Variants in ST6GALNAC3 observed in about 807,000 individuals in gnomAD.
ST6GALNAC3 encodes the protein ST6 N-acetylgalactosaminide alpha-2,6-sialyltransferase 3, also known as alpha-N-acetylgalactosaminide alpha-2,6-sialyltransferase 3.
ST6GALNAC3 carries 25 observed loss-of-function variants against 32.7 expected under a neutral mutation model. That is an observed-to-expected ratio of 0.76 (90% CI 0.56 to 1.07). The LOEUF (loss-of-function observed/expected upper bound fraction) is 1.07, where lower values mean the gene tolerates loss of function less well. Among genes scored for constraint, ST6GALNAC3 ranks in the 50% least tolerant of loss-of-function variants. The probability of loss-of-function intolerance (pLI) is 0.00; values close to 1 mark genes in which losing one functional copy is unlikely to be tolerated. For synonymous variants in ST6GALNAC3, 129 were observed against 133.1 expected (o/e 0.97, Z 0.21); for missense variants, 355 against 382.4 (o/e 0.93, Z 0.60).
chr1:76,494,649 G>GCGCGCA (rs142496688), intron 3 of ST6GALNAC3, among the ~76,000 whole-genome samples: 2 of 67,722 alleles, frequency 3.0e-5, no homozygotes, highest in African/African-American at 6.5e-5. Context: ...ATGTGTATGC[G>GCGCGCA]CACACACACA....
intron 2 of ST6GALNAC3, among the ~76,000 whole-genome samples, chr1:76,374,722 A>G (rs1374990524): frequency 6.6e-6 from 1 of 152,124 alleles, no homozygotes; most frequent in East Asian, 1.9e-4. Flanking sequence ...ATCATCTTAC[A>G]TGTTATTTAC....
chr1:76,525,670 TCTC>T (rs1290775642), intron 3 of ST6GALNAC3, among the ~76,000 whole-genome samples: 8 of 151,186 alleles, frequency 5.3e-5, no homozygotes, highest in Non-Finnish European at 1.2e-4. Flanking sequence ...ATTCTGGTCT[TCTC>T]CTTTGACATT....
chr1:76,080,616 A>G (rs1282615543), intron 1 of ST6GALNAC3, among the ~76,000 whole-genome samples: 1 of 149,842 alleles, frequency 6.7e-6, no homozygotes, highest in Non-Finnish European at 1.5e-5. Context: ...CCCCAGATTA[A>G]CAGAAACAGA....
intron 1 of ST6GALNAC3, among the ~76,000 whole-genome samples, chr1:76,178,025 G>T (rs1652953808): frequency 6.6e-6 from 1 of 152,242 alleles, no homozygotes; most frequent in South Asian, 2.1e-4. Context: ...GGCAGTTTGA[G>T]TAGAGAATGG....
At chr1:76,212,075 A>T (rs1655199428) in intron 1 of ST6GALNAC3, among the ~76,000 whole-genome samples, 1 of 152,196 alleles carries the variant, frequency 6.6e-6, no homozygotes, top group Non-Finnish European at 1.5e-5. Context: ...ATTTAAGCAT[A>T]TCCAGTAGAT....
intron 2 of ST6GALNAC3, among the ~76,000 whole-genome samples, chr1:76,374,537 C>T (rs982446220): frequency 6.6e-6 from 1 of 152,208 alleles, no homozygotes; most frequent in African/African-American, 2.4e-5. Context: ...AGACATCTGA[C>T]ATGTCTAATG....
chr1:76,580,932 G>A (rs1302203675), intron 3 of ST6GALNAC3, among the ~76,000 whole-genome samples: 3 of 151,896 alleles, frequency 2.0e-5, no homozygotes, highest in Non-Finnish European at 4.4e-5. Flanking sequence ...AAGCACCAAA[G>A]CAAGACACAT....
At position 76,125,190 on chromosome 1, in the gene ST6GALNAC3, A is replaced by G. The variant is rs187019969; in HGVS notation, c.18+50306A>G. 3.3e-5 allele frequency among the ~76,000 whole-genome samples: 5 copies of G among 152,310 alleles called. No homozygotes were observed. The East Asian group carries it at 9.7e-4, about 29-fold the overall frequency. ...CCCATTTGACCAGGAGCAGCCAACA[A>G]GGTTTCCATCTGCTGGAATCCATAT... is the stretch of plus-strand genomic sequence containing the variant. On this transcript the variant is annotated intron_variant, in intron 1 of 4. Transcript: ENST00000328299.
At chr1:76,517,866 A>C (rs1662268615) in intron 3 of ST6GALNAC3, among the ~76,000 whole-genome samples, 1 of 151,994 alleles carries the variant, frequency 6.6e-6, no homozygotes, top group African/African-American at 2.4e-5. Flanking sequence ...TTTTGCAGGA[A>C]GGAGGTGTTC....
At chr1:76,525,395 G>C (rs1275101604) in intron 3 of ST6GALNAC3, among the ~76,000 whole-genome samples, 1 of 152,052 alleles carries the variant, frequency 6.6e-6, no homozygotes, top group South Asian at 2.1e-4. Flanking sequence ...TATACAGTAG[G>C]AAGAAACATA....
intron 3 of ST6GALNAC3, among the ~76,000 whole-genome samples, chr1:76,567,970 G>A (rs1435431941): frequency 6.6e-6 from 1 of 152,184 alleles, no homozygotes; most frequent in Non-Finnish European, 1.5e-5. Flanking sequence ...TTAAAAATAA[G>A]ATTATTGCTA....
intron 3 of ST6GALNAC3, among the ~76,000 whole-genome samples, chr1:76,561,036 G>C (rs1665213914): frequency 6.6e-6 from 1 of 152,174 alleles, no homozygotes. Flanking sequence ...ATGAGATCCT[G>C]TCATTTGCAG....
At chr1:76,338,589 T>G (rs1357053747) in intron 2 of ST6GALNAC3, among the ~76,000 whole-genome samples, 2 of 152,160 alleles carry the variant, frequency 1.3e-5, no homozygotes, top group Non-Finnish European at 2.9e-5. Flanking sequence ...TATTTATAGA[T>G]GTCTGGAGAC....
At chr1:76,372,770 A>C (rs1405846927) in intron 2 of ST6GALNAC3, among the ~76,000 whole-genome samples, 2 of 152,060 alleles carry the variant, frequency 1.3e-5, no homozygotes, top group Admixed American at 6.6e-5. Context: ...CCATTGAATA[A>C]ATTCTGAAAT....
chr1:76,583,670 C>CT (rs769637354), intron 3 of ST6GALNAC3, among the ~76,000 whole-genome samples: 2 of 152,122 alleles, frequency 1.3e-5, no homozygotes, highest in Admixed American at 1.3e-4. Context: ...AGGAACTCAT[C>CT]TTTACAGGAA....
rs1371985282 is a variant in ST6GALNAC3 at position 76,277,534 on chromosome 1, A to G, written c.19-36271A>G. 3.5e-4 allele frequency among the ~76,000 whole-genome samples: 21 copies of G among 59,850 alleles called. 1 individual carries two copies. Among genetic ancestry groups the G allele is most frequent in the South Asian group, 2.6e-3 (4 of 1,566 alleles). The allele number at this position is 59,850 out of a possible 152,430, so 39.3% of individuals were successfully genotyped here. On this transcript the variant is annotated intron_variant, in intron 1 of 4. Transcript: ENST00000328299. ...TATATGTATATGTTTATGTGTATAT[A>G]TATATATATATATATATATATATAT...
chr1:76,250,481 A>G (rs193189254), intron 1 of ST6GALNAC3, among the ~76,000 whole-genome samples: 93 of 152,336 alleles, frequency 6.1e-4, no homozygotes, highest in African/African-American at 2.2e-3. Flanking sequence ...TGGCAAGTCA[A>G]TTCCTGCTCA....
chr1:76,464,142 T>C (rs1433665459), intron 3 of ST6GALNAC3, among the ~76,000 whole-genome samples: 1 of 152,166 alleles, frequency 6.6e-6, no homozygotes, highest in African/African-American at 2.4e-5. Context: ...ACTGACTTAG[T>C]ACCTCACTGA....
chr1:76,514,202 G>T (rs1291776787), intron 3 of ST6GALNAC3, among the ~76,000 whole-genome samples: 1 of 152,082 alleles, frequency 6.6e-6, no homozygotes, highest in Non-Finnish European at 1.5e-5. Context: ...TGTGTTGTGG[G>T]TTTGTCATAT....
Sources: allele counts gnomAD v4.1 joint callset (sites outside exome capture counted in the v4.1 genomes callset), GRCh38; gene constraint gnomAD v4.1.1; transcripts MANE v1.5; gene names NCBI Gene and HGNC (gene_info 2026-07-23, HGNC 2026-07-21).